CLEC16A: variants seen among roughly 807,000 people sequenced by gnomAD.
CLEC16A encodes C-type lectin domain containing 16A, also known as protein CLEC16A.
In CLEC16A, 51 loss-of-function variants were observed where a neutral mutation model predicts 109.5. That is an observed-to-expected ratio of 0.47 (90% CI 0.37 to 0.59). CLEC16A has a LOEUF of 0.59. CLEC16A is among the 20% of genes least tolerant of loss of function. The probability of loss-of-function intolerance (pLI) is 0.00; values close to 1 mark genes in which losing one functional copy is unlikely to be tolerated. For missense variants in CLEC16A, 1,339 were observed against 1,394.0 expected, an observed-to-expected ratio of 0.96 and a Z score of 0.63; for synonymous variants, 673 against 564.2, an observed-to-expected ratio of 1.19 and a Z score of -2.73.
At chr16:10,962,919 TGTG>T (rs2042320303) in intron 3 of CLEC16A, among the ~76,000 whole-genome samples, 1 of 151,942 alleles carries the variant, frequency 6.6e-6, no homozygotes, top group Non-Finnish European at 1.5e-5. Flanking sequence ...ATTAGCTGGG[TGTG>T]GTGGTGTGCA....
intron 10 of CLEC16A, among the ~76,000 whole-genome samples, chr16:10,994,816 C>G (rs990071427): frequency 4.6e-5 from 7 of 152,216 alleles, no homozygotes; most frequent in Admixed American, 1.3e-4. Flanking sequence ...CAAAGAGCTA[C>G]TGTTTCTCTG....
intron 22 of CLEC16A, among the ~76,000 whole-genome samples, chr16:11,132,799 C>G (rs1217522301): frequency 6.6e-6 from 1 of 152,144 alleles, no homozygotes; most frequent in African/African-American, 2.4e-5. Context: ...TCATGGATGC[C>G]TATGAAGTAG....
intron 19 of CLEC16A, among the ~76,000 whole-genome samples, chr16:11,102,857 G>A (rs1187045684): frequency 1.3e-5 from 2 of 152,244 alleles, no homozygotes; most frequent in South Asian, 4.1e-4. Flanking sequence ...TAACACTATA[G>A]GGACAGTATT....
At chr16:11,031,696 C>G (rs1243180586) in intron 13 of CLEC16A, among the ~76,000 whole-genome samples, 2 of 152,164 alleles carry the variant, frequency 1.3e-5, no homozygotes, top group Middle Eastern at 3.2e-3. Flanking sequence ...AATCTGGATT[C>G]TCTTAGAGGA....
chr16:11,061,184 G>T (rs188038788), intron 19 of CLEC16A, among the ~76,000 whole-genome samples, 162 bp downstream of exon 19: 2 of 152,282 alleles, frequency 1.3e-5, no homozygotes, highest in East Asian at 3.9e-4. Context: ...TCCCATGCAG[G>T]TTTTGAAGAA....
intron 11 of CLEC16A, among the ~76,000 whole-genome samples, chr16:11,008,227 T>G (rs1378839052): frequency 2.0e-5 from 3 of 152,200 alleles, no homozygotes; most frequent in Non-Finnish European, 4.4e-5. Context: ...TCTTGCCATC[T>G]TTTTTCAGTC....
chr16:11,122,142 C>T (rs1278323649), intron 20 of CLEC16A, among the ~76,000 whole-genome samples: 1 of 152,174 alleles, frequency 6.6e-6, no homozygotes, highest in African/African-American at 2.4e-5. Flanking sequence ...TGCCTTGCCG[C>T]AGCCTGACCT....
chr16:10,945,407 G>A (rs13333946), intron 1 of CLEC16A, among the ~76,000 whole-genome samples: 5,202 of 152,300 alleles, frequency 0.034, 107 homozygotes, highest in African/African-American at 0.056. Context: ...TGAGACCCAG[G>A]ATTTTGGGGC....
At chr16:10,969,770 G>A (rs1278289173) in intron 4 of CLEC16A, among the ~76,000 whole-genome samples, 1 of 152,194 alleles carries the variant, frequency 6.6e-6, no homozygotes, top group Non-Finnish European at 1.5e-5. Context: ...AGGAACTCCA[G>A]TCAGGGCTGG....
At chr16:11,052,320 A>C (rs2047990854) in intron 18 of CLEC16A, among the ~76,000 whole-genome samples, 1 of 152,186 alleles carries the variant, frequency 6.6e-6, no homozygotes, top group African/African-American at 2.4e-5. Flanking sequence ...ATTTGTGTAT[A>C]GTTCAGAGGA....
intron 21 of CLEC16A, among the ~76,000 whole-genome samples, chr16:11,124,845 G>C (rs537355804): frequency 1.3e-3 from 194 of 152,244 alleles, no homozygotes; most frequent in Middle Eastern, 3.4e-3. Flanking sequence ...TCAGCACTTC[G>C]GGAGGCCAAG....
intron 23 of CLEC16A, among the ~76,000 whole-genome samples, chr16:11,172,015 C>G (rs1318689193): frequency 6.6e-6 from 1 of 152,080 alleles, no homozygotes; most frequent in African/African-American, 2.4e-5. Flanking sequence ...CACACTCACA[C>G]TTACAAATGT....
chr16:10,969,832 A>G (rs1212194923), intron 4 of CLEC16A, among the ~76,000 whole-genome samples: 1 of 152,180 alleles, frequency 6.6e-6, no homozygotes, highest in East Asian at 1.9e-4. Flanking sequence ...TCCCTTTCTG[A>G]ACCTCAGTTT....
chr16:11,105,872 G>A (rs913058791), intron 19 of CLEC16A, among the ~76,000 whole-genome samples: 2 of 152,236 alleles, frequency 1.3e-5, no homozygotes, highest in African/African-American at 4.8e-5. Flanking sequence ...AGTGAGCATT[G>A]ATACAGTGTC....
Position 11,180,748 on chromosome 16 carries a change from A to C in CLEC16A, c.*2058A>C, listed in dbSNP as rs1429740653. The C allele has an allele frequency of 6.6e-6, 1 of 152,324 alleles. No individual in the cohort carries two copies. The highest frequency in any genetic ancestry group is 1.5e-5 in the Non-Finnish European group (1 of 68,130). 9.4% of individuals were successfully genotyped at this position (152,324 alleles called of 1,614,324 possible). A position where few individuals can be genotyped will look rare whatever the true frequency, so the allele number is the denominator to read the frequency against. On this transcript the variant is annotated 3_prime_UTR_variant, in exon 24 of 24. Coordinates refer to ENST00000409790, the MANE Select transcript of CLEC16A (RefSeq NM_015226.3). ...GGCGTGACCAGGAGGAACAGCCTGC[A>C]GCTCACTCCATGCCACACGGGTGGG...
chr16:11,122,118 G>A (rs965627854), intron 20 of CLEC16A, among the ~76,000 whole-genome samples: 6 of 152,118 alleles, frequency 3.9e-5, no homozygotes, highest in Non-Finnish European at 7.4e-5. Context: ...CCTTGGCTCA[G>A]GCCGCCCCAC....
Position 11,162,216 on chromosome 16 carries a change from A to G in CLEC16A, c.2642-4172A>G, listed in dbSNP as rs996608602. Among the ~76,000 whole-genome samples, 9 of 152,338 alleles carry G rather than the reference A, an allele frequency of 5.9e-5. No homozygotes were observed. In the East Asian group the frequency reaches 1.7e-3, roughly 29 times the overall value. On this transcript the variant is annotated intron_variant, in intron 22 of 23. Transcript: ENST00000409790. ...GGAAGACTCTGGGCTGCGCCCCCCG[A>G]CCGTGAAACTGGGGGCTCCTGGGAA...
At chr16:10,968,224 T>A (rs1042860042) in intron 3 of CLEC16A, among the ~76,000 whole-genome samples, 2 of 152,182 alleles carry the variant, frequency 1.3e-5, no homozygotes, top group Non-Finnish European at 2.9e-5. Flanking sequence ...CACTGAGATA[T>A]CAAACTGCAG....
intron 19 of CLEC16A, among the ~76,000 whole-genome samples, chr16:11,103,422 A>G (rs1027387657): frequency 2.6e-5 from 4 of 152,156 alleles, no homozygotes; most frequent in Non-Finnish European, 5.9e-5. Context: ...TCTACTGAAA[A>G]TACAAAAATT....
Sources: allele counts gnomAD v4.1 joint callset (sites outside exome capture counted in the v4.1 genomes callset), GRCh38; gene constraint gnomAD v4.1.1; transcripts MANE v1.5; gene names NCBI Gene and HGNC (gene_info 2026-07-23, HGNC 2026-07-21).